Variants in BRWD3 observed in about 807,000 individuals in gnomAD.
The protein encoded by BRWD3 is bromodomain and WD repeat-containing protein 3.
Under a neutral mutation model 149.7 loss-of-function variants are expected in BRWD3, and 10 were observed. The ratio of observed to expected loss-of-function variants is 0.07; its 90% CI spans 0.04 to 0.11. The LOEUF (loss-of-function observed/expected upper bound fraction) is 0.11. Among genes scored for constraint, BRWD3 ranks in the 10% least tolerant of loss-of-function variants. BRWD3 has a pLI of 1.00. For missense variants in BRWD3, 940 were observed against 1,373.2 expected (o/e 0.68, Z 4.99); for synonymous variants, 504 against 456.7 (o/e 1.10, Z -1.32).
intron 16 of BRWD3, 109 bp from the exon 17 acceptor site, chrX:80,722,896 A>G: frequency 3.0e-6 from 2 of 665,859 alleles, no homozygotes; most frequent in Non-Finnish European, 4.8e-6. Flanking sequence ...TCTTTTGCAT[A>G]CTCTTCTAGT....
chrX:80,808,864 G>T (rs910656067), intron 3 of BRWD3, 149 bp downstream of exon 3: 2 of 630,268 alleles, frequency 3.2e-6, no homozygotes, highest in Non-Finnish European at 2.6e-6. Context: ...TGCCCCTTTT[G>T]AGGGAAGAAG....
Position 80,717,302 on chromosome X carries a change from C to T in BRWD3, c.2231+271G>A, listed in dbSNP as rs775993469. ...TGTAAGACCTCATGAGTTCTTAATACTACTTGTATTCTTTTCTTCTAATCT... is the reference window on the plus strand; with the variant it reads ...TGTAAGACCTCATGAGTTCTTAATATTACTTGTATTCTTTTCTTCTAATCT... On this transcript the variant is annotated intron_variant, in intron 19 of 40. Coordinates refer to ENST00000373275, the MANE Select transcript of BRWD3 (RefSeq NM_153252.5). The T allele has an allele frequency of 2.7e-5, 9 of 337,319 alleles. No homozygotes were observed. In the East Asian group the frequency reaches 5.0e-4, roughly 19 times the overall value. The allele number at this position is 337,319 out of a possible 1,213,427, so 27.8% of individuals were successfully genotyped here. A position where few individuals can be genotyped will look rare whatever the true frequency, so the allele number is the denominator to read the frequency against.
intron 6 of BRWD3, among the ~76,000 whole-genome samples, chrX:80,787,811 G>A (rs951195974): frequency 9.0e-6 from 1 of 111,610 alleles, no homozygotes; most frequent in Non-Finnish European, 1.9e-5. Context: ...TAGGCCGGGC[G>A]TGGTGGCTCA....
intron 17 of BRWD3, 58 bp from the exon 18 acceptor site, chrX:80,719,714 A>G (rs1273475317): frequency 1.9e-6 from 2 of 1,079,458 alleles, no homozygotes; most frequent in African/African-American, 1.8e-5. Context: ...TACCTTAAAC[A>G]TAGTAAAAAC....
chrX:80,706,271 G>C (rs1266932865), intron 22 of BRWD3, among the ~76,000 whole-genome samples: 1 of 110,179 alleles, frequency 9.1e-6, no homozygotes, highest in Non-Finnish European at 1.9e-5. Flanking sequence ...ACCACATCCG[G>C]GTAATTTTTG....
At chrX:80,713,499 C>T (rs771964354) in intron 20 of BRWD3, among the ~76,000 whole-genome samples, 102 of 109,517 alleles carry the variant, frequency 9.3e-4, no homozygotes, top group African/African-American at 3.2e-3. Context: ...GCAGCATGCT[C>T]CTTAAGAGTC....
At chrX:80,802,259 C>T (rs1018303455) in intron 4 of BRWD3, among the ~76,000 whole-genome samples, 5 of 109,021 alleles carry the variant, frequency 4.6e-5, no homozygotes, top group South Asian at 4.0e-4. Context: ...TTGGCCAACA[C>T]GGTGAAACTC....
intron 8 of BRWD3, chrX:80,743,673 T>G (rs2073551604): frequency 7.3e-6 from 1 of 136,278 alleles, no homozygotes; most frequent in South Asian, 2.6e-4. Context: ...GATTTTCTAG[T>G]TTATTTGCAT....
rs201683302 is a variant in BRWD3 at position 80,791,939 on chromosome X, T to G, written c.345A>C (p.Thr115=). The change falls in exon 6 of 41, where the codon ACA becomes ACC. Residue 115 remains threonine (T), a synonymous_variant. Coordinates refer to ENST00000373275, the MANE Select transcript of BRWD3 (RefSeq NM_153252.5). ...LLRDAKDCKS[T]LWNGSAFAAL... is the part of the protein sequence containing the mutation. ...CCGCAAAAGCAGACCCATTCCATAG[T>G]GTACTCTTACAGTCTATATAAAAAG... The G allele has an allele frequency of 2.5e-6, 3 of 1,192,722 alleles. No homozygotes were observed. The South Asian group carries it at 5.4e-5, about 21-fold the overall frequency.
At chrX:80,790,649 G>A (rs1217250529) in intron 6 of BRWD3, among the ~76,000 whole-genome samples, 2 of 111,453 alleles carry the variant, frequency 1.8e-5, no homozygotes, top group African/African-American at 6.5e-5. Flanking sequence ...AAAAGCGAGA[G>A]AAGGGAAGAA....
intron 6 of BRWD3, among the ~76,000 whole-genome samples, chrX:80,770,186 G>T (rs2073921034): frequency 9.0e-6 from 1 of 111,444 alleles, no homozygotes; most frequent in African/African-American, 3.3e-5. Flanking sequence ...AGAGGAGCTG[G>T]TACCATTCCT....
At chrX:80,805,286 C>G (rs764857424) in intron 4 of BRWD3, among the ~76,000 whole-genome samples, 2 of 111,309 alleles carry the variant, frequency 1.8e-5, no homozygotes, top group Non-Finnish European at 3.8e-5. Flanking sequence ...TGAAGAAATT[C>G]AATTTATCAT....
chrX:80,708,841 G>A (rs6622357), intron 21 of BRWD3, among the ~76,000 whole-genome samples: 2,151 of 110,347 alleles, frequency 0.019, 56 homozygotes, highest in African/African-American at 0.066. Context: ...AATTGGGAAT[G>A]GCACAAGAAT....
At chrX:80,798,123 T>A (rs1184479364) in intron 4 of BRWD3, among the ~76,000 whole-genome samples, 1 of 110,968 alleles carries the variant, frequency 9.0e-6, no homozygotes, top group Non-Finnish European at 1.9e-5. Flanking sequence ...AATAAATAAA[T>A]AAATAAAATA....
intron 6 of BRWD3, among the ~76,000 whole-genome samples, chrX:80,776,313 G>C (rs752272694): frequency 1.8e-5 from 2 of 110,811 alleles, no homozygotes; most frequent in African/African-American, 3.3e-5. Context: ...ATTTACATTA[G>C]AAAAAAAATA....
intron 28 of BRWD3, among the ~76,000 whole-genome samples, chrX:80,692,680 T>C (rs1194491812): frequency 8.9e-6 from 1 of 112,213 alleles, no homozygotes; most frequent in African/African-American, 3.2e-5. Flanking sequence ...AAATAGTTAA[T>C]AGAAAATGCA....
At chrX:80,729,769 T>G (rs2073299807) in intron 13 of BRWD3, 147 bp downstream of exon 13, 4 of 452,512 alleles carry the variant, frequency 8.8e-6, no homozygotes, top group Middle Eastern at 6.4e-4. Context: ...TAACGAAGAT[T>G]TGCTTAGAGG....
At chrX:80,766,884 T>C (rs1250449902) in intron 6 of BRWD3, among the ~76,000 whole-genome samples, 1 of 112,069 alleles carries the variant, frequency 8.9e-6, no homozygotes, top group Non-Finnish European at 1.9e-5. Context: ...AGACAGCACC[T>C]GGAAAACTGG....
At chrX:80,781,314 T>C (rs1280792320) in intron 6 of BRWD3, among the ~76,000 whole-genome samples, 3 of 110,889 alleles carry the variant, frequency 2.7e-5, no homozygotes, top group African/African-American at 6.6e-5. Flanking sequence ...GATAGATGAG[T>C]GGCTATTTCT....
Sources: gnomAD v4.1 joint callset for allele counts (sites outside exome capture counted in the v4.1 genomes callset) on GRCh38, gnomAD v4.1.1 for gene constraint, MANE v1.5 for transcripts, NCBI Gene and HGNC (gene_info 2026-07-23, HGNC 2026-07-21) for gene names.